Variants in SSH1 observed in about 807,000 individuals in gnomAD.
SSH1 encodes slingshot protein phosphatase 1, also known as protein phosphatase Slingshot homolog 1.
A neutral mutation model predicts 79.7 loss-of-function variants in SSH1; 43 were observed. The observed-to-expected ratio is 0.54, with a 90% CI of 0.42 to 0.70. SSH1 has a LOEUF of 0.70. Among genes scored for constraint, SSH1 ranks in the 30% least tolerant of loss-of-function variants. The probability of loss-of-function intolerance (pLI) is 0.00; values close to 1 mark genes in which losing one functional copy is unlikely to be tolerated. For synonymous variants in SSH1, 599 were observed against 538.3 expected (o/e 1.11, Z -1.56); for missense variants, 1,206 against 1,358.8 (o/e 0.89, Z 1.77).
intron 6 of SSH1, among the ~76,000 whole-genome samples, chr12:108,810,037 G>A (rs975685833): frequency 1.3e-5 from 2 of 152,118 alleles, no homozygotes; most frequent in African/African-American, 2.4e-5. Flanking sequence ...AGGCCTCCGA[G>A]AGCGTCTCTC....
intron 13 of SSH1, among the ~76,000 whole-genome samples, chr12:108,797,926 C>G (rs142593383): frequency 2.0e-5 from 3 of 152,312 alleles, no homozygotes; most frequent in East Asian, 3.9e-4. Context: ...CTGCCTCACA[C>G]GATGAAGCAA....
chr12:108,807,726 CA>C lies in SSH1; in HGVS notation c.637del (p.Cys213AlafsTer51). ...ALIWATYYES[C>X]ISSEQSCINE... is the part of the protein sequence containing the mutation. ...GATGCAGCTCTGCTCGGAGCTGATG[CA>C]GCTCTCATAGTAGGTAGCCCAGATG... On this transcript the variant is annotated frameshift_variant, in exon 8 of 15. Coordinates refer to ENST00000326495, the MANE Select transcript of SSH1 (RefSeq NM_018984.4). LOFTEE classifies it high-confidence loss of function. The surrounding 1 kb of genome is among the most constrained non-coding windows in gnomAD (Gnocchi z 5.2). 6.2e-7 allele frequency: 1 copy of C among 1,613,356 alleles called. No individual in the cohort carries two copies.
chr12:108,781,679 G>C lies in SSH1; in HGVS notation c.*6309C>G, dbSNP rs2036148055. On this transcript the variant is annotated 3_prime_UTR_variant, in exon 15 of 15. Transcript: ENST00000326495. The stretch of plus-strand genomic sequence containing the variant: ...CCCCATACATTTCCCAGTCTCCCTG[G>C]CTGTTGCATTGGGACCCTGTGACTG... 1 of 152,156 alleles carries C rather than the reference G, an allele frequency of 6.6e-6. No homozygotes were observed. The highest frequency in any genetic ancestry group is 6.5e-5 in the Admixed American group (1 of 15,272). 9.4% of individuals were successfully genotyped at this position (152,156 alleles called of 1,614,324 possible).
intron 2 of SSH1, among the ~76,000 whole-genome samples, chr12:108,838,966 G>A (rs1198958382): frequency 3.9e-5 from 6 of 151,940 alleles, no homozygotes; most frequent in Admixed American, 6.6e-5. Context: ...TGCTTTCTTC[G>A]TGTCCCGATT....
chr12:108,827,045 A>C (rs941460727), intron 2 of SSH1, among the ~76,000 whole-genome samples: 1 of 151,902 alleles, frequency 6.6e-6, no homozygotes, highest in African/African-American at 2.4e-5. Context: ...CGCCAACTGG[A>C]ATGTTTTTAT....
chr12:108,813,879 C>CT (rs545518939), intron 5 of SSH1, among the ~76,000 whole-genome samples: 10 of 152,016 alleles, frequency 6.6e-5, no homozygotes, highest in Admixed American at 6.5e-4. Flanking sequence ...CGATTGAACC[C>CT]TAAGGTGGCA....
intron 13 of SSH1, 55 bp downstream of exon 13, chr12:108,798,945 C>T: frequency 6.3e-7 from 1 of 1,595,164 alleles, no homozygotes; most frequent in Non-Finnish European, 8.5e-7. Flanking sequence ...GCTGGCTTGG[C>T]CACATGGCTG....
At chr12:108,854,098 T>C (rs1462587182) in intron 1 of SSH1, among the ~76,000 whole-genome samples, 3 of 151,912 alleles carry the variant, frequency 2.0e-5, no homozygotes, top group Non-Finnish European at 4.4e-5. Context: ...TGACAAAGAG[T>C]ATGTTGGGGT....
At chr12:108,790,214 G>A (rs1426662182) in intron 14 of SSH1, among the ~76,000 whole-genome samples, 1 of 150,894 alleles carries the variant, frequency 6.6e-6, no homozygotes, top group East Asian at 1.9e-4. Context: ...GCAATTGCGT[G>A]ATCTTGTCTC....
In SSH1 at chr12:108,838,160, G is replaced by C. The variant is rs192789917; in HGVS notation, c.110+14478C>G. ...ACACGACCTGTAATTTTTCTTTATCGGTAGGTAATAAAAGCTTCAGATGAT... is the reference window on the plus strand; with the variant it reads ...ACACGACCTGTAATTTTTCTTTATCCGTAGGTAATAAAAGCTTCAGATGAT... On this transcript the variant is annotated intron_variant, in intron 2 of 14. Transcript: ENST00000326495. Among the ~76,000 whole-genome samples the C allele has an allele frequency of 2.8e-4, 43 of 152,114 alleles. No homozygotes were observed. The Middle Eastern group carries it at 0.014, about 48-fold the overall frequency.
intron 5 of SSH1, among the ~76,000 whole-genome samples, chr12:108,814,178 C>T (rs1243573604): frequency 1.3e-5 from 2 of 151,454 alleles, no homozygotes; most frequent in Non-Finnish European, 3.0e-5. Flanking sequence ...GAGCCAAGAT[C>T]GTGCCACTAC....
rs540947717 is a variant in SSH1, at chr12:108,793,093, C to G, written c.1350-264G>C. Among the ~76,000 whole-genome samples the G allele has an allele frequency of 1.1e-3, 168 of 152,256 alleles. 1 individual carries two copies. The highest frequency in any genetic ancestry group is 3.8e-3 in the African/African-American group (159 of 41,546). ...CTCTGATGACAACGGGGAAGGAACG[C>G]GGGGGCGTCTAGACTTCAATCTGTG... On this transcript the variant is annotated intron_variant, in intron 13 of 14. Transcript: ENST00000326495.
At chr12:108,826,929 A>G (rs930915604) in intron 2 of SSH1, among the ~76,000 whole-genome samples, 36 of 152,096 alleles carry the variant, frequency 2.4e-4, no homozygotes, top group Admixed American at 2.4e-3. Flanking sequence ...GACTAAAGTT[A>G]CAAAAGGTCA....
intron 1 of SSH1, among the ~76,000 whole-genome samples, chr12:108,854,559 C>T (rs2039106476): frequency 6.6e-6 from 1 of 152,188 alleles, no homozygotes; most frequent in African/African-American, 2.4e-5. Context: ...CCGTTTCCCA[C>T]GCCGGCAGCA....
In SSH1 at chr12:108,817,138, A is replaced by T; in HGVS notation, c.301T>A (p.Trp101Arg). 1 of 1,614,096 alleles carries T rather than the reference A, an allele frequency of 6.2e-7. No individual in the cohort carries two copies. The highest frequency in any genetic ancestry group is 8.5e-7 in the Non-Finnish European group (1 of 1,180,010). ...IKLAVRLESA[W>R]ADRVRYMVVV... The stretch of plus-strand genomic sequence containing the variant: ...ACCATGTACCGGACCCGGTCCGCCC[A>T]GGCGCTCTCCAGGCGCACTGCCTGG... The change falls in exon 5 of 15, where the codon TGG becomes AGG. Residue 101 changes from tryptophan (W) to arginine (R), a missense_variant. Physicochemically the swap from Trp to Arg is moderately radical, Grantham distance 101. Around this residue, in one of 5 missense-constraint regions of SSH1, gnomAD observed 115 missense variants for 173.9 expected, o/e 0.66. Transcript: ENST00000326495.
rs1379110731 is a variant in SSH1, at chr12:108,805,109, G to A, written c.901C>T (p.Leu301Phe). Reference sequence around the variant, plus strand: ...GGCTTGTCCATCTGTCCCAAGATAAGTAGCATCTCATTGTCTATAAATTCC... The same window carrying A: ...GGCTTGTCCATCTGTCCCAAGATAAATAGCATCTCATTGTCTATAAATTCC... ...LKEFIDNEML[L>F]ILGQMDKPSL... The change falls in exon 10 of 15, where the codon CTT becomes TTT. Residue 301 changes from leucine to phenylalanine, a missense_variant. By Grantham distance (22) the Leu-to-Phe change is conservative. Transcript: ENST00000326495. 6 of 1,613,952 alleles carry A rather than the reference G, an allele frequency of 3.7e-6. No individual in the cohort carries two copies. In the East Asian group the frequency reaches 1.3e-4, roughly 36 times the overall value.
rs1231537830 is a variant in SSH1, at chr12:108,785,856, A to G, written c.*2132T>C. 6.6e-6 allele frequency: 1 copy of G among 152,198 alleles called. No homozygotes were observed. Among genetic ancestry groups the G allele is most frequent in the Non-Finnish European group, 1.5e-5 (1 of 68,044 alleles). 9.4% of individuals were successfully genotyped at this position (152,198 alleles called of 1,614,324 possible). A position where few individuals can be genotyped will look rare whatever the true frequency, so the allele number is the denominator to read the frequency against. ...AAATTTGATTTGGCAAAACATACCG[A>G]ACTTGATATTTTTTGAGGCTATGCT... On this transcript the variant is annotated 3_prime_UTR_variant, in exon 15 of 15. Transcript: ENST00000326495.
intron 3 of SSH1, among the ~76,000 whole-genome samples, chr12:108,819,743 C>A (rs566894192): frequency 6.6e-6 from 1 of 152,066 alleles, no homozygotes; most frequent in Non-Finnish European, 1.5e-5. Flanking sequence ...GCAGGAGGAT[C>A]GCTGGAGCCC....
chr12:108,821,533 C>T (rs1012201020), intron 3 of SSH1, among the ~76,000 whole-genome samples: 3 of 152,052 alleles, frequency 2.0e-5, no homozygotes, highest in Non-Finnish European at 2.9e-5. Flanking sequence ...GTATGTTACA[C>T]GCATAACTCT....
Sources: gnomAD v4.1 joint callset for allele counts (sites outside exome capture counted in the v4.1 genomes callset) on GRCh38, gnomAD v4.1.1 for gene constraint, gnomAD v4.1.1 regional missense constraint, Gnocchi (gnomAD v3.1) non-coding constraint, MANE v1.5 for transcripts, NCBI Gene and HGNC (gene_info 2026-07-23, HGNC 2026-07-21) for gene names.